The following KCNIP4 variants were observed in gnomAD, a reference collection of about 807,000 sequenced individuals.
The protein encoded by KCNIP4 is potassium voltage-gated channel interacting protein 4.
In KCNIP4, 12 loss-of-function variants were observed where a neutral mutation model predicts 34.0. The ratio of observed to expected loss-of-function variants is 0.35; its 90% CI spans 0.23 to 0.57. KCNIP4 has a LOEUF of 0.57. KCNIP4 is among the 20% of genes least tolerant of loss of function. The pLI is 0.83. For missense variants in KCNIP4, 238 were observed against 311.7 expected (o/e 0.76, Z 1.78); for synonymous variants, 124 against 102.2 (o/e 1.21, Z -1.29).
At chr4:21,134,770 TC>T (rs1200277151) in intron 1 of KCNIP4, among the ~76,000 whole-genome samples, 1 of 152,212 alleles carries the variant, frequency 6.6e-6, no homozygotes, top group Non-Finnish European at 1.5e-5. Flanking sequence ...ATCAATATAA[TC>T]CCATTCACTG....
chr4:21,887,985 C>G (rs1013964589), intron 1 of KCNIP4, among the ~76,000 whole-genome samples: 2 of 151,710 alleles, frequency 1.3e-5, no homozygotes, highest in African/African-American at 4.9e-5. Context: ...TATGATAGTT[C>G]ATATTTATGT....
intron 1 of KCNIP4, among the ~76,000 whole-genome samples, chr4:21,736,816 G>A (rs1239933236): frequency 6.6e-6 from 1 of 152,082 alleles, no homozygotes; most frequent in Non-Finnish European, 1.5e-5. Flanking sequence ...TTGACACACA[G>A]TGTTCATTAA....
chr4:20,788,823 C>G (rs1251137922), intron 3 of KCNIP4, among the ~76,000 whole-genome samples: 2 of 152,062 alleles, frequency 1.3e-5, no homozygotes, highest in South Asian at 2.1e-4. Flanking sequence ...ACCTTCTCAG[C>G]CACACAAAAG....
rs780863469 is a variant in KCNIP4 at position 20,732,039 on chromosome 4, A to T, written c.672T>A (p.Val224=). ...QKMDKNKDGV[V]TIDEFIESCQ... ...AGCTTTCAATGAACTCATCTATGGT[A>T]ACAACCCCATCTTTATTTTTGTCCA... The change falls in exon 8 of 9, where the codon GTT becomes GTA. Residue 224 remains valine, a synonymous_variant. Coordinates refer to ENST00000382152, the MANE Select transcript of KCNIP4 (RefSeq NM_025221.6). 6.2e-7 allele frequency: 1 copy of T among 1,613,304 alleles called. No homozygotes were observed. Among genetic ancestry groups the T allele is most frequent in the East Asian group, 2.2e-5 (1 of 44,852 alleles).
At chr4:21,895,441 A>G (rs780642662) in intron 1 of KCNIP4, among the ~76,000 whole-genome samples, 98 of 152,166 alleles carry the variant, frequency 6.4e-4, no homozygotes, top group Non-Finnish European at 1.2e-3. Context: ...ACTAAGAGTT[A>G]CGCTATCTAC....
At chr4:21,831,636 T>C (rs1261241840) in intron 1 of KCNIP4, among the ~76,000 whole-genome samples, 1 of 118,946 alleles carries the variant, frequency 8.4e-6, no homozygotes, top group Non-Finnish European at 1.7e-5. Context: ...AATAAGAAGA[T>C]TGAATCAGCA....
intron 1 of KCNIP4, among the ~76,000 whole-genome samples, chr4:21,839,327 A>T (rs191570346): frequency 6.6e-6 from 1 of 152,300 alleles, no homozygotes; most frequent in East Asian, 1.9e-4. Context: ...ATGTGATGCA[A>T]ACATAAGTCA....
intron 1 of KCNIP4, among the ~76,000 whole-genome samples, chr4:20,947,825 C>T (rs1453523560): frequency 6.6e-6 from 1 of 152,186 alleles, no homozygotes; most frequent in Non-Finnish European, 1.5e-5. Flanking sequence ...TGTTATTCCT[C>T]ATTTACATCC....
At chr4:21,260,256 T>C (rs1761385395) in intron 1 of KCNIP4, among the ~76,000 whole-genome samples, 2 of 152,166 alleles carry the variant, frequency 1.3e-5, no homozygotes, top group South Asian at 4.1e-4. Flanking sequence ...AATGTACCAA[T>C]GAATTACGGG....
At chr4:21,734,126 G>A (rs978140635) in intron 1 of KCNIP4, among the ~76,000 whole-genome samples, 3 of 152,134 alleles carry the variant, frequency 2.0e-5, no homozygotes, top group Admixed American at 1.3e-4. Context: ...ACCATGGGGA[G>A]GCTCATTTAT....
At chr4:20,843,716 C>T (rs994992659) in intron 3 of KCNIP4, among the ~76,000 whole-genome samples, 9 of 152,092 alleles carry the variant, frequency 5.9e-5, no homozygotes, top group Admixed American at 5.9e-4. Context: ...GGTGACAGAG[C>T]GAGACTCCGT....
At chr4:21,355,708 G>C (rs181623516) in intron 1 of KCNIP4, among the ~76,000 whole-genome samples, 1 of 152,060 alleles carries the variant, frequency 6.6e-6, no homozygotes, top group Non-Finnish European at 1.5e-5. Context: ...ATTCACAGCC[G>C]AAATCTACCA....
chr4:21,453,100 T>C (rs1020203357), intron 1 of KCNIP4, among the ~76,000 whole-genome samples: 1 of 152,004 alleles, frequency 6.6e-6, no homozygotes, highest in Non-Finnish European at 1.5e-5. Flanking sequence ...GTCCCCTTGT[T>C]TTGCAAGTGA....
In KCNIP4 at chr4:21,519,657, TATATATACAC is replaced by T. The variant is rs1182158930; in HGVS notation, c.61+428904_61+428913del. Among the ~76,000 whole-genome samples the T allele has an allele frequency of 3.9e-3, 569 of 144,738 alleles. 10 individuals carry two copies. Among genetic ancestry groups the T allele is most frequent in the East Asian group, 0.02 (93 of 4,740 alleles). 95.0% of individuals were successfully genotyped at this position (144,738 alleles called of 152,430 possible). ...ACACAAATGTGTGTGTATGTATGTG[TATATATACAC>T]GTGTGTGTATGTATGTGTATATACA... On this transcript the variant is annotated intron_variant, in intron 1 of 8. Coordinates refer to ENST00000382152, the MANE Select transcript of KCNIP4 (RefSeq NM_025221.6).
chr4:21,459,910 A>T (rs1037619815), intron 1 of KCNIP4, among the ~76,000 whole-genome samples: 1 of 151,814 alleles, frequency 6.6e-6, no homozygotes, highest in Non-Finnish European at 1.5e-5. Context: ...AATTATTGCA[A>T]TATCTTTCCA....
intron 1 of KCNIP4, among the ~76,000 whole-genome samples, chr4:21,268,319 A>C (rs536730959): frequency 1.4e-5 from 2 of 140,712 alleles, no homozygotes; most frequent in East Asian, 4.0e-4. Flanking sequence ...GGGTGCACAT[A>C]AACAGGTTTT....
intron 1 of KCNIP4, among the ~76,000 whole-genome samples, chr4:21,170,582 A>C (rs532045465): frequency 2.0e-5 from 3 of 152,288 alleles, no homozygotes; most frequent in African/African-American, 7.2e-5. Flanking sequence ...CAAAGAGGCC[A>C]AAACAAGCAA....
intron 1 of KCNIP4, among the ~76,000 whole-genome samples, chr4:21,308,355 G>A (rs574038677): frequency 8.6e-4 from 131 of 152,320 alleles, no homozygotes; most frequent in African/African-American, 3.1e-3. Flanking sequence ...GAGCACATAC[G>A]TTTTCAAGCA....
chr4:20,785,383 G>C (rs751218645), intron 3 of KCNIP4, among the ~76,000 whole-genome samples: 5 of 149,414 alleles, frequency 3.3e-5, no homozygotes, highest in Non-Finnish European at 5.9e-5. Context: ...CCAACCTTGG[G>C]AATGGATTGA....
Sources: gnomAD v4.1 joint callset for allele counts (sites outside exome capture counted in the v4.1 genomes callset) on GRCh38, gnomAD v4.1.1 for gene constraint, MANE v1.5 for transcripts, NCBI Gene and HGNC (gene_info 2026-07-23, HGNC 2026-07-21) for gene names.